The following EPB41L4A variants were observed in gnomAD, a reference collection of about 807,000 sequenced individuals.
EPB41L4A encodes erythrocyte membrane protein band 4.1 like 4A, also known as band 4.1-like protein 4A.
A neutral mutation model predicts 108.6 loss-of-function variants in EPB41L4A; 100 were observed. The ratio of observed to expected loss-of-function variants is 0.92; its 90% CI spans 0.78 to 1.09. The LOEUF (loss-of-function observed/expected upper bound fraction) is 1.09. EPB41L4A is among the 50% of genes least tolerant of loss of function. The probability of loss-of-function intolerance (pLI) is 0.00; values close to 1 mark genes in which losing one functional copy is unlikely to be tolerated. For synonymous variants in EPB41L4A, 319 were observed against 289.0 expected (o/e 1.10, Z -1.05); for missense variants, 1,030 against 842.7 (o/e 1.22, Z -2.75).
At chr5:112,143,856 A>T in exon 14 of EPB41L4A, 1 of 456,074 alleles carries the variant, frequency 2.2e-6, no homozygotes, top group Admixed American at 2.4e-5. Context: ...GACCCTGTAT[A>T]AACAGGGAGA....
intron 19 of EPB41L4A, among the ~76,000 whole-genome samples, chr5:112,170,648 C>CT (rs1374088241): frequency 1.3e-5 from 2 of 152,132 alleles, no homozygotes; most frequent in Admixed American, 1.3e-4. Flanking sequence ...TGGTAGGTGT[C>CT]TTTTTTCTTC....
At chr5:112,359,786 C>A (rs1282328968) in intron 1 of EPB41L4A, among the ~76,000 whole-genome samples, 4 of 152,112 alleles carry the variant, frequency 2.6e-5, no homozygotes, top group African/African-American at 7.2e-5. Flanking sequence ...GTGATCCACC[C>A]GCCTTGGCCT....
At chr5:112,338,604 CG>C (rs1757072179) in intron 1 of EPB41L4A, among the ~76,000 whole-genome samples, 1 of 152,042 alleles carries the variant, frequency 6.6e-6, no homozygotes, top group Non-Finnish European at 1.5e-5. Context: ...GAACACCCCC[CG>C]CCACCACACA....
chr5:112,204,443 G>A lies in EPB41L4A; in HGVS notation c.1308C>T (p.Phe436=). The A allele has an allele frequency of 3.1e-6, 5 of 1,613,858 alleles. No individual in the cohort carries two copies. Among genetic ancestry groups the A allele is most frequent in the Non-Finnish European group, 4.2e-6 (5 of 1,179,846 alleles). Residue 436 remains phenylalanine (F), a synonymous_variant, in exon 15 of 23, where the codon TTC becomes TTT. Coordinates refer to ENST00000261486, the MANE Select transcript of EPB41L4A (RefSeq NM_022140.5). Reference sequence around the variant, plus strand: ...AGGGGTTTCGGCGACGCGTGTAAGGGAACTTTGGCGACTTAGTGCGATCAC... The same window carrying A: ...AGGGGTTTCGGCGACGCGTGTAAGGAAACTTTGGCGACTTAGTGCGATCAC... ...SPSDRTKSPK[F]PYTRRRNPSC...
intron 1 of EPB41L4A, among the ~76,000 whole-genome samples, chr5:112,307,955 A>G (rs1021652660): frequency 1.3e-5 from 2 of 152,200 alleles, no homozygotes; most frequent in Non-Finnish European, 2.9e-5. Context: ...TTTATCTTCA[A>G]TCCTCAAATA....
intron 2 of EPB41L4A, among the ~76,000 whole-genome samples, chr5:112,288,616 G>C (rs755416478): frequency 1.3e-5 from 2 of 152,172 alleles, no homozygotes; most frequent in African/African-American, 4.8e-5. Context: ...TTATGGACTA[G>C]TAATTGTTGT....
At chr5:112,195,740 CAGG>C (rs1416554535) in intron 15 of EPB41L4A, 32 bp from the exon 16 acceptor site, 5 of 1,595,392 alleles carry the variant, frequency 3.1e-6, no homozygotes, top group African/African-American at 2.7e-5. Flanking sequence ...TTTAAGAAAA[CAGG>C]AGATTATCAA....
At chr5:112,278,280 C>T (rs895080357) in intron 3 of EPB41L4A, among the ~76,000 whole-genome samples, 1 of 146,598 alleles carries the variant, frequency 6.8e-6, no homozygotes, top group Non-Finnish European at 1.5e-5. Flanking sequence ...GATGGAGTCT[C>T]GCTCTGTCAT....
intron 7 of EPB41L4A, among the ~76,000 whole-genome samples, chr5:112,260,238 G>T (rs1715586095): frequency 6.6e-6 from 1 of 152,164 alleles, no homozygotes; most frequent in Non-Finnish European, 1.5e-5. Context: ...TACCAGTCAG[G>T]CCAATGGGAC....
chr5:112,258,028 T>G (rs1019887916), intron 9 of EPB41L4A, among the ~76,000 whole-genome samples: 5 of 152,244 alleles, frequency 3.3e-5, no homozygotes, highest in African/African-American at 1.2e-4. Flanking sequence ...AGAACAACTA[T>G]ATGGCTTCTG....
At chr5:112,195,440 A>G (rs188403875) in intron 16 of EPB41L4A, among the ~76,000 whole-genome samples, 56 of 151,652 alleles carry the variant, frequency 3.7e-4, no homozygotes, top group African/African-American at 1.3e-3. Flanking sequence ...ATATGGCAAC[A>G]GATAAATAAG....
intron 15 of EPB41L4A, among the ~76,000 whole-genome samples, chr5:112,196,090 C>T (rs1341502852): frequency 1.3e-5 from 2 of 152,078 alleles, no homozygotes; most frequent in African/African-American, 4.8e-5. Flanking sequence ...CTCTCATAAT[C>T]TCCTCCACTT....
chr5:112,356,892 T>C (rs1007503255), intron 1 of EPB41L4A, among the ~76,000 whole-genome samples: 3 of 152,228 alleles, frequency 2.0e-5, no homozygotes, highest in African/African-American at 7.2e-5. Flanking sequence ...AGTTGCTGCA[T>C]CTTGAACTGC....
At position 112,209,938 on chromosome 5, in the gene EPB41L4A, C is replaced by A. The variant is rs758534720; in HGVS notation, c.1132G>T (p.Glu378Ter). 12 of 1,608,042 alleles carry A rather than the reference C, an allele frequency of 7.5e-6. No homozygotes were observed. Among genetic ancestry groups the A allele is most frequent in the Non-Finnish European group, 1.0e-5 (12 of 1,175,922 alleles). Residue 378 changes from glutamate to a stop codon, truncating the protein, a stop_gained, in exon 13 of 23, where the codon GAA becomes TAA. Coordinates refer to ENST00000261486, the MANE Select transcript of EPB41L4A (RefSeq NM_022140.5). LOFTEE classifies it high-confidence loss of function. The stretch of plus-strand genomic sequence containing the variant: ...ATAATTTTAATTGTTCCTTCATTTT[C>A]TCCATTTTCCATGTTTGCAGTTATC... ...SRITANMENGENEGTIKIIAP... is the reference protein window; with the variant it reads ...SRITANMENG
intron 2 of EPB41L4A, among the ~76,000 whole-genome samples, chr5:112,293,199 T>C (rs1213040849): frequency 1.3e-5 from 2 of 151,830 alleles, no homozygotes; most frequent in Non-Finnish European, 2.9e-5. Context: ...TTTTCAATTG[T>C]TGTTCGATGG....
rs555384842 is a variant in EPB41L4A, at chr5:112,252,664, G to T, written c.795+6565C>A. Among the ~76,000 whole-genome samples, 4 of 152,166 alleles carry T rather than the reference G, an allele frequency of 2.6e-5. No homozygotes were observed. In the South Asian group the frequency reaches 8.3e-4, roughly 32 times the overall value. On this transcript the variant is annotated intron_variant, in intron 9 of 22. Coordinates refer to ENST00000261486, the MANE Select transcript of EPB41L4A (RefSeq NM_022140.5). ...CTAAACATTGAATACACATGAACAT[G>T]AAGATGGAAACAACAGACACTGGGG... is the stretch of plus-strand genomic sequence containing the variant.
chr5:112,238,290 G>A lies in EPB41L4A; in HGVS notation c.965+1370C>T, dbSNP rs190932586. On this transcript the variant is annotated intron_variant, in intron 11 of 22. Transcript: ENST00000261486. Reference sequence around the variant, plus strand: ...ATACTTCCTTAAATTCTTCATAATTGTATCACTGTCTACAGAAGAACAGTG... The same window carrying A: ...ATACTTCCTTAAATTCTTCATAATTATATCACTGTCTACAGAAGAACAGTG... Among the ~76,000 whole-genome samples the A allele has an allele frequency of 7.2e-5, 11 of 152,152 alleles. No individual in the cohort carries two copies. The East Asian group carries it at 2.1e-3, about 29-fold the overall frequency.
intron 2 of EPB41L4A, 60 bp from the exon 3 acceptor site, chr5:112,280,383 C>G (rs1752892038): frequency 6.8e-7 from 1 of 1,476,350 alleles, no homozygotes; most frequent in East Asian, 2.3e-5. Flanking sequence ...GCTTTTACTT[C>G]AAGAATATTT....
At chr5:112,153,911 A>G (rs1759561395) in intron 12 of EPB41L4A, among the ~76,000 whole-genome samples, 1 of 151,978 alleles carries the variant, frequency 6.6e-6, no homozygotes, top group Non-Finnish European at 1.5e-5. Flanking sequence ...CTTACATTCA[A>G]AAAGACTCCA....
Sources: gnomAD v4.1 joint callset for allele counts (sites outside exome capture counted in the v4.1 genomes callset) on GRCh38, gnomAD v4.1.1 for gene constraint, MANE v1.5 for transcripts, NCBI Gene and HGNC (gene_info 2026-07-23, HGNC 2026-07-21) for gene names.